Variants in SEMA6D observed in about 807,000 individuals in gnomAD.
SEMA6D encodes the protein semaphorin-6D.
SEMA6D carries 35 observed loss-of-function variants against 106.6 expected under a neutral mutation model. The observed-to-expected ratio is 0.33, with a 90% CI of 0.25 to 0.44. The LOEUF (loss-of-function observed/expected upper bound fraction) is 0.44, where lower values mean the gene tolerates loss of function less well. Among genes scored for constraint, SEMA6D ranks in the 20% least tolerant of loss-of-function variants. The probability of loss-of-function intolerance (pLI) is 1.00; values close to 1 mark genes in which losing one functional copy is unlikely to be tolerated. For missense variants in SEMA6D, 1,185 were observed against 1,345.9 expected (o/e 0.88, Z 1.87); for synonymous variants, 499 against 487.7 (o/e 1.02, Z -0.31).
chr15:47,409,576 C>G (rs942969581), intron 1 of SEMA6D, among the ~76,000 whole-genome samples: 13 of 152,192 alleles, frequency 8.5e-5, no homozygotes, highest in Admixed American at 2.6e-4. Flanking sequence ...CTGTTGCTCT[C>G]AATTTTATTG....
At chr15:47,285,228 C>T (rs543374715) in intron 1 of SEMA6D, among the ~76,000 whole-genome samples, 52 of 152,106 alleles carry the variant, frequency 3.4e-4, no homozygotes, top group Admixed American at 6.6e-4. Flanking sequence ...TTCTGCCTTT[C>T]CCCCACTCTG....
chr15:47,721,854 G>T (rs2079440987), intron 1 of SEMA6D, among the ~76,000 whole-genome samples: 2 of 151,964 alleles, frequency 1.3e-5, no homozygotes, highest in African/African-American at 2.4e-5. Flanking sequence ...CATTCTCTCT[G>T]CTTGGACACA....
chr15:47,604,715 A>G (rs970028802), intron 4 of SEMA6D, among the ~76,000 whole-genome samples: 2 of 152,112 alleles, frequency 1.3e-5, no homozygotes, highest in East Asian at 1.9e-4. Context: ...TGGAGTAGCT[A>G]TAAGGAATTA....
chr15:47,469,479 T>C (rs1036181163), intron 2 of SEMA6D, among the ~76,000 whole-genome samples: 1 of 152,182 alleles, frequency 6.6e-6, no homozygotes, highest in African/African-American at 2.4e-5. Flanking sequence ...GCAGTAAGTA[T>C]TCCCAGAGTA....
At position 47,481,279 on chromosome 15, in the gene SEMA6D, A is replaced by G. The variant is rs528733584; in HGVS notation, c.-87+10734A>G. 2.1e-4 allele frequency among the ~76,000 whole-genome samples: 32 copies of G among 152,288 alleles called. No individual in the cohort carries two copies. The South Asian group carries it at 6.4e-3, about 31-fold the overall frequency. ...CTCCCAGTTGCAGGGTTCTAAAACT[A>G]TACTCAGCTTTGGCTGTGTCATCTT... On this transcript the variant is annotated intron_variant, in intron 3 of 19. Transcript: ENST00000558014.
intron 4 of SEMA6D, among the ~76,000 whole-genome samples, chr15:47,636,148 G>T (rs932673509): frequency 3.9e-5 from 6 of 152,064 alleles, no homozygotes; most frequent in African/African-American, 1.4e-4. Context: ...TGATAGAAAT[G>T]TTCTCACACT....
At chr15:47,197,233 G>A (rs1005048383) in intron 1 of SEMA6D, among the ~76,000 whole-genome samples, 1 of 152,138 alleles carries the variant, frequency 6.6e-6, no homozygotes, top group Non-Finnish European at 1.5e-5. Flanking sequence ...CCTAGCCTGT[G>A]ATGATTTGAT....
At chr15:47,416,918 T>C (rs1299608101) in intron 2 of SEMA6D, among the ~76,000 whole-genome samples, 1 of 152,142 alleles carries the variant, frequency 6.6e-6, no homozygotes, top group Admixed American at 6.6e-5. Context: ...AATGGTCCCA[T>C]CTATCACTCA....
At chr15:47,438,153 C>T (rs1157520584) in intron 2 of SEMA6D, among the ~76,000 whole-genome samples, 1 of 152,032 alleles carries the variant, frequency 6.6e-6, no homozygotes, top group African/African-American at 2.4e-5. Context: ...ATCCTTGACA[C>T]CTCTCTTCTT....
At chr15:47,730,326 G>A (rs2080035134) in intron 1 of SEMA6D, 6 of 1,484,062 alleles carry the variant, frequency 4.0e-6, no homozygotes, top group Non-Finnish European at 5.6e-6. Flanking sequence ...GAGTTCACCT[G>A]TGTGAAGGCC....
At chr15:47,634,260 A>T (rs1226614807) in intron 4 of SEMA6D, among the ~76,000 whole-genome samples, 1 of 152,182 alleles carries the variant, frequency 6.6e-6, no homozygotes, top group Non-Finnish European at 1.5e-5. Flanking sequence ...TGGGGTGAAC[A>T]TTCAGCTCCC....
At chr15:47,502,715 T>C (rs1182953399) in intron 3 of SEMA6D, among the ~76,000 whole-genome samples, 2 of 152,192 alleles carry the variant, frequency 1.3e-5, no homozygotes, top group Non-Finnish European at 2.9e-5. Context: ...CATAAAAATG[T>C]CCACTGGGAC....
chr15:47,219,140 T>A (rs187927957), intron 1 of SEMA6D, among the ~76,000 whole-genome samples: 4 of 152,338 alleles, frequency 2.6e-5, no homozygotes, highest in African/African-American at 9.6e-5. Context: ...AATTTTTCAA[T>A]GACCATCTTA....
chr15:47,676,950 G>A lies in SEMA6D; in HGVS notation c.-55+76054G>A, dbSNP rs138659722. 6.2e-3 allele frequency among the ~76,000 whole-genome samples: 947 copies of A among 152,188 alleles called. 11 individuals are homozygous for A. Among genetic ancestry groups the A allele is most frequent in the African/African-American group, 0.021 (886 of 41,516 alleles). ...TCATGTGGGGTGGGTGGGTGGTTCC[G>A]GGATGAAACTGTTCCACCTCAGATC... On this transcript the variant is annotated intron_variant, in intron 4 of 19. Transcript: ENST00000558014.
At chr15:47,719,330 A>G (rs1006667950) in intron 1 of SEMA6D, among the ~76,000 whole-genome samples, 4 of 152,162 alleles carry the variant, frequency 2.6e-5, no homozygotes, top group Non-Finnish European at 5.9e-5. Flanking sequence ...TCGTTACTAT[A>G]GATATATAGA....
intron 3 of SEMA6D, among the ~76,000 whole-genome samples, chr15:47,500,924 A>G (rs1355007973): frequency 6.6e-6 from 1 of 152,186 alleles, no homozygotes; most frequent in Non-Finnish European, 1.5e-5. Flanking sequence ...TGCAAAAGCC[A>G]ACACATATGC....
intron 3 of SEMA6D, among the ~76,000 whole-genome samples, chr15:47,512,033 A>G (rs919518910): frequency 6.0e-4 from 92 of 152,240 alleles, no homozygotes; most frequent in African/African-American, 2.2e-3. Flanking sequence ...TTTGAATCTG[A>G]CCCTGATTTT....
intron 1 of SEMA6D, among the ~76,000 whole-genome samples, chr15:47,369,257 G>A (rs1434960369): frequency 6.6e-6 from 1 of 152,168 alleles, no homozygotes; most frequent in African/African-American, 2.4e-5. Flanking sequence ...TTTTCTGTAT[G>A]TGTGTTATAA....
chr15:47,335,864 C>T (rs568940095), intron 1 of SEMA6D, among the ~76,000 whole-genome samples: 9 of 152,284 alleles, frequency 5.9e-5, no homozygotes, highest in African/African-American at 2.2e-4. Context: ...GGAGCTCTTA[C>T]TACAACACTG....
Sources: allele counts gnomAD v4.1 joint callset (sites outside exome capture counted in the v4.1 genomes callset), GRCh38; gene constraint gnomAD v4.1.1; transcripts MANE v1.5; gene names NCBI Gene and HGNC (gene_info 2026-07-23, HGNC 2026-07-21).